The following TTC28 variants were observed in gnomAD, a reference collection of about 807,000 sequenced individuals.
The protein encoded by TTC28 is tetratricopeptide repeat domain 28.
A neutral mutation model predicts 198.0 loss-of-function variants in TTC28; 61 were observed. That is an observed-to-expected ratio of 0.31 (90% CI 0.25 to 0.38). The LOEUF is 0.38. Among genes scored for constraint, TTC28 ranks in the 10% least tolerant of loss-of-function variants. TTC28 has a pLI of 1.00. For synonymous variants in TTC28, 1,171 were observed against 1,297.8 expected (o/e 0.90, Z 2.10); for missense variants, 2,678 against 3,164.0 (o/e 0.85, Z 3.69).
chr22:28,536,581 G>A (rs1478906810), intron 2 of TTC28, among the ~76,000 whole-genome samples: 2 of 152,016 alleles, frequency 1.3e-5, no homozygotes. Flanking sequence ...CCGAGATTGC[G>A]CCACTGCACT....
chr22:28,465,041 T>C (rs1430438790), intron 2 of TTC28, among the ~76,000 whole-genome samples: 4 of 152,212 alleles, frequency 2.6e-5, no homozygotes, highest in Non-Finnish European at 5.9e-5. Context: ...TGTACCTCTG[T>C]GTGTCCAGTG....
intron 5 of TTC28, among the ~76,000 whole-genome samples, chr22:28,288,035 C>T (rs941972303): frequency 6.6e-6 from 1 of 152,118 alleles, no homozygotes; most frequent in South Asian, 2.1e-4. Context: ...ATAATGTAGT[C>T]ATATGCAATA....
At chr22:28,169,981 C>T (rs1922487714) in intron 5 of TTC28, among the ~76,000 whole-genome samples, 1 of 151,996 alleles carries the variant, frequency 6.6e-6, no homozygotes, top group Non-Finnish European at 1.5e-5. Context: ...TTTCCACAGA[C>T]CTACGCAGAA....
chr22:28,249,294 C>T (rs1930342713), intron 5 of TTC28, among the ~76,000 whole-genome samples: 1 of 151,966 alleles, frequency 6.6e-6, no homozygotes, highest in South Asian at 2.1e-4. Context: ...TAAGTGAATG[C>T]ACAGAAAGTC....
At chr22:28,085,558 T>A (rs554021709) in intron 12 of TTC28, among the ~76,000 whole-genome samples, 1 of 152,268 alleles carries the variant, frequency 6.6e-6, no homozygotes, top group East Asian at 1.9e-4. Context: ...TGCAAAATCA[T>A]GCCAAACTGT....
intron 5 of TTC28, chr22:28,232,937 C>T (rs1024635110): frequency 6.6e-6 from 1 of 151,994 alleles, no homozygotes; most frequent in Admixed American, 6.6e-5. Context: ...CCCATCTCTA[C>T]TAAAAATACA....
chr22:28,147,987 G>C (rs1943508718), intron 6 of TTC28, among the ~76,000 whole-genome samples: 1 of 152,182 alleles, frequency 6.6e-6, no homozygotes, highest in Admixed American at 6.5e-5. Context: ...AGAAGAAACA[G>C]TGTGATATCC....
chr22:28,203,299 A>T (rs1345728627), intron 5 of TTC28, among the ~76,000 whole-genome samples: 1 of 152,116 alleles, frequency 6.6e-6, no homozygotes, highest in Non-Finnish European at 1.5e-5. Flanking sequence ...GGCTATTGAG[A>T]AGTAGAAGAT....
chr22:28,360,529 T>A (rs575084848), intron 2 of TTC28, among the ~76,000 whole-genome samples: 3 of 152,302 alleles, frequency 2.0e-5, no homozygotes, highest in Non-Finnish European at 4.4e-5. Flanking sequence ...AAAAGCAAAG[T>A]ACAACATTCT....
intron 2 of TTC28, among the ~76,000 whole-genome samples, chr22:28,459,332 G>A (rs1489460606): frequency 6.6e-6 from 1 of 152,014 alleles, no homozygotes; most frequent in East Asian, 1.9e-4. Flanking sequence ...TCAGGATGCT[G>A]AAGTGGGAGG....
chr22:28,281,285 T>C (rs2044577973), intron 5 of TTC28, among the ~76,000 whole-genome samples: 1 of 152,164 alleles, frequency 6.6e-6, no homozygotes, highest in South Asian at 2.1e-4. Flanking sequence ...CTTTTTATTC[T>C]TTTTAATCTA....
At chr22:28,237,143 G>C (rs972864972) in intron 5 of TTC28, among the ~76,000 whole-genome samples, 1 of 151,738 alleles carries the variant, frequency 6.6e-6, no homozygotes, top group Non-Finnish European at 1.5e-5. Flanking sequence ...GCTCTCGCTC[G>C]CTGGTGCATT....
chr22:28,243,174 C>CAAAAAAAAA lies in TTC28; in HGVS notation c.933+53015_933+53023dup, dbSNP rs754700795. 1.7e-3 allele frequency among the ~76,000 whole-genome samples: 115 copies of CAAAAAAAAA among 68,328 alleles called. 16 individuals carry two copies. The highest frequency in any genetic ancestry group is 8.2e-3 in the Middle Eastern group (1 of 122). The allele number at this position is 68,328 out of a possible 152,430, so 44.8% of individuals were successfully genotyped here. ...GCAACCTGGCAAAACCCCCTCTCTA[C>CAAAAAAAAA]AAAAAAAAAAAAAAAAAAAAAAAAA... On this transcript the variant is annotated intron_variant, in intron 5 of 22. Transcript: ENST00000397906.
At chr22:28,401,577 T>C (rs767141525) in intron 2 of TTC28, among the ~76,000 whole-genome samples, 2 of 152,064 alleles carry the variant, frequency 1.3e-5, no homozygotes, top group Non-Finnish European at 2.9e-5. Flanking sequence ...ATCGCACCAC[T>C]GTACTCCAGC....
In TTC28 at chr22:28,005,625, C is replaced by T. The variant is rs928646507; in HGVS notation, c.4219-4072G>A. ...ACATCCAGAGGGGCCTGCCCAGCCA[C>T]GGGCCCAGAGCGCTGTCCCGTTGCC... On this transcript the variant is annotated intron_variant, in intron 14 of 22. Coordinates refer to ENST00000397906, the MANE Select transcript of TTC28 (RefSeq NM_001145418.2). This position sits in a 1 kb window ranked among gnomAD's most constrained non-coding sequence, Gnocchi z 4.9. Among the ~76,000 whole-genome samples the T allele has an allele frequency of 5.9e-5, 9 of 152,188 alleles. No homozygotes were observed. Among genetic ancestry groups the T allele is most frequent in the Non-Finnish European group, 1.3e-4 (9 of 68,028 alleles).
At chr22:28,352,329 A>G (rs774425017) in intron 2 of TTC28, among the ~76,000 whole-genome samples, 2 of 150,602 alleles carry the variant, frequency 1.3e-5, no homozygotes, top group African/African-American at 2.4e-5. Context: ...ATATATATAT[A>G]TATATATCTC....
At chr22:28,526,810 G>A (rs926450628) in intron 2 of TTC28, among the ~76,000 whole-genome samples, 1 of 151,950 alleles carries the variant, frequency 6.6e-6, no homozygotes, top group East Asian at 1.9e-4. Context: ...AGGTTGGAGT[G>A]CAATGGTACC....
At chr22:28,291,863 A>C (rs950503451) in intron 5 of TTC28, among the ~76,000 whole-genome samples, 1 of 152,216 alleles carries the variant, frequency 6.6e-6, no homozygotes, top group African/African-American at 2.4e-5. Context: ...TAGAACACTT[A>C]ATAAAATGAA....
At chr22:28,640,292 A>C (rs1372112152) in intron 1 of TTC28, among the ~76,000 whole-genome samples, 1 of 130,110 alleles carries the variant, frequency 7.7e-6, no homozygotes, top group Non-Finnish European at 1.6e-5. Flanking sequence ...AAAATCAACT[A>C]TAGAGGAGAA....
Sources: allele counts gnomAD v4.1 joint callset (sites outside exome capture counted in the v4.1 genomes callset), GRCh38; gene constraint gnomAD v4.1.1; non-coding constraint Gnocchi (gnomAD v3.1); transcripts MANE v1.5; gene names NCBI Gene and HGNC (gene_info 2026-07-23, HGNC 2026-07-21).